Variants in CLMP observed in about 807,000 individuals in gnomAD.
CLMP encodes CXADR like cell adhesion molecule, also known as CXADR-like membrane protein.
CLMP carries 27 observed loss-of-function variants against 45.2 expected under a neutral mutation model. The ratio of observed to expected loss-of-function variants is 0.60; its 90% CI spans 0.44 to 0.82. CLMP has a LOEUF of 0.82. CLMP is among the 40% of genes least tolerant of loss of function. The pLI is 0.00. For synonymous variants in CLMP, 167 were observed against 171.4 expected (o/e 0.97, Z 0.20); for missense variants, 403 against 448.4 (o/e 0.90, Z 0.91).
chr11:123,113,591 C>G (rs966974935), intron 1 of CLMP, among the ~76,000 whole-genome samples: 2 of 152,292 alleles, frequency 1.3e-5, no homozygotes, highest in South Asian at 4.1e-4. Flanking sequence ...CTGACTTCTG[C>G]GTTTGGCAGA....
At chr11:123,074,063 C>A (rs972459790) in intron 6 of CLMP, among the ~76,000 whole-genome samples, 2 of 152,094 alleles carry the variant, frequency 1.3e-5, no homozygotes, top group African/African-American at 4.8e-5. Context: ...TGCATAAACC[C>A]TTTCATGACC....
intron 1 of CLMP, among the ~76,000 whole-genome samples, chr11:123,142,400 C>T (rs1368935048): frequency 6.6e-6 from 1 of 152,098 alleles, no homozygotes; most frequent in Non-Finnish European, 1.5e-5. Context: ...CCACTAGGGA[C>T]TTGTCGTTGA....
chr11:123,092,316 G>C (rs1178165098), intron 2 of CLMP, among the ~76,000 whole-genome samples: 1 of 124,142 alleles, frequency 8.1e-6, no homozygotes, highest in Non-Finnish European at 1.7e-5. Context: ...TTTTCTTTTT[G>C]AGACGGAGCC....
At chr11:123,076,996 T>G (rs900452314) in intron 5 of CLMP, among the ~76,000 whole-genome samples, 15 of 90,068 alleles carry the variant, frequency 1.7e-4, no homozygotes, top group Middle Eastern at 0.011. Flanking sequence ...TTATTCTTTT[T>G]TTTTTTTTTT....
chr11:123,116,498 G>A (rs995384179), intron 1 of CLMP, among the ~76,000 whole-genome samples: 1 of 151,302 alleles, frequency 6.6e-6, no homozygotes, highest in Non-Finnish European at 1.5e-5. Flanking sequence ...AACCCAGGAG[G>A]TGGAGGTCAC....
chr11:123,120,946 G>A (rs1215360218), intron 1 of CLMP, among the ~76,000 whole-genome samples: 1 of 151,962 alleles, frequency 6.6e-6, no homozygotes, highest in African/African-American at 2.4e-5. Context: ...GTAACATGGT[G>A]AAACCCCCTC....
chr11:123,191,198 C>T (rs1861902687), intron 1 of CLMP, among the ~76,000 whole-genome samples: 1 of 152,176 alleles, frequency 6.6e-6, no homozygotes, highest in Non-Finnish European at 1.5e-5. Context: ...CCAGTTCTGG[C>T]AATCTTTGAC....
At chr11:123,185,390 G>C (rs562335624) in intron 1 of CLMP, among the ~76,000 whole-genome samples, 1 of 150,476 alleles carries the variant, frequency 6.6e-6, no homozygotes, top group South Asian at 2.1e-4. Context: ...CGCCAGGGGA[G>C]AGAGAGAGAG....
intron 1 of CLMP, among the ~76,000 whole-genome samples, chr11:123,116,112 G>T (rs1860716944): frequency 6.6e-6 from 1 of 151,948 alleles, no homozygotes; most frequent in African/African-American, 2.4e-5. Context: ...GCAAAAAAGA[G>T]CACAAGATGA....
At chr11:123,150,461 AAGAAAGAAAGAAAGAAAG>A (rs1253179843) in intron 1 of CLMP, among the ~76,000 whole-genome samples, 5 of 104,578 alleles carry the variant, frequency 4.8e-5, no homozygotes, top group Non-Finnish European at 8.3e-5. Context: ...GAAAGAAAGA[AAGAAAGAAAGAAAGAAAG>A]AAAGGAAGGA....
intron 1 of CLMP, among the ~76,000 whole-genome samples, chr11:123,164,871 A>T (rs1338436043): frequency 6.6e-6 from 1 of 152,158 alleles, no homozygotes; most frequent in South Asian, 2.1e-4. Flanking sequence ...ATACACTCCT[A>T]AAGTTAGGAA....
chr11:123,087,619 G>A (rs946922102), intron 2 of CLMP, among the ~76,000 whole-genome samples: 5 of 152,072 alleles, frequency 3.3e-5, no homozygotes, highest in East Asian at 2.0e-4. Flanking sequence ...TCAAGAGATC[G>A]AGACCATCCT....
At chr11:123,190,927 C>A (rs1405374933) in intron 1 of CLMP, among the ~76,000 whole-genome samples, 1 of 152,206 alleles carries the variant, frequency 6.6e-6, no homozygotes, top group Non-Finnish European at 1.5e-5. Flanking sequence ...ACTGAGCTAG[C>A]TGTATAACCT....
At chr11:123,098,418 G>A (rs1250777587) in intron 1 of CLMP, among the ~76,000 whole-genome samples, 2 of 151,980 alleles carry the variant, frequency 1.3e-5, no homozygotes, top group Non-Finnish European at 2.9e-5. Context: ...AGTAGAGACA[G>A]GGTTTCACCA....
chr11:123,156,106 A>G (rs1418908155), intron 1 of CLMP, among the ~76,000 whole-genome samples: 1 of 152,162 alleles, frequency 6.6e-6, no homozygotes, highest in Non-Finnish European at 1.5e-5. Context: ...CCCTGATCCA[A>G]TAAGATTACT....
intron 1 of CLMP, among the ~76,000 whole-genome samples, chr11:123,157,744 A>G (rs956953462): frequency 6.8e-5 from 10 of 146,088 alleles, no homozygotes; most frequent in Middle Eastern, 3.2e-3. Flanking sequence ...AAAAAAAAAA[A>G]AAGAAGTAGT....
At chr11:123,074,958 T>C in intron 5 of CLMP, 115 bp from the exon 6 acceptor site, 1 of 1,258,180 alleles carries the variant, frequency 7.9e-7, no homozygotes, top group Non-Finnish European at 1.1e-6. Flanking sequence ...TTGTTTGTTT[T>C]GTTTTTTTTT....
At chr11:123,126,637 C>A (rs963310575) in intron 1 of CLMP, among the ~76,000 whole-genome samples, 4 of 152,118 alleles carry the variant, frequency 2.6e-5, no homozygotes, top group African/African-American at 9.7e-5. Flanking sequence ...GTAGCTCACG[C>A]CTGTAATCCC....
chr11:123,102,506 C>T (rs1438815051), intron 1 of CLMP, among the ~76,000 whole-genome samples: 1 of 151,498 alleles, frequency 6.6e-6, no homozygotes, highest in African/African-American at 2.4e-5. Flanking sequence ...GTCTCAATCT[C>T]CTGACCTCGT....
Sources: allele counts gnomAD v4.1 joint callset (sites outside exome capture counted in the v4.1 genomes callset), GRCh38; gene constraint gnomAD v4.1.1; transcripts MANE v1.5; gene names NCBI Gene and HGNC (gene_info 2026-07-23, HGNC 2026-07-21).